Variants in IL12B observed in about 807,000 individuals in gnomAD.
The protein encoded by IL12B is interleukin 12B, also known as interleukin-12 subunit beta.
A neutral mutation model predicts 39.2 loss-of-function variants in IL12B; 27 were observed. The ratio of observed to expected loss-of-function variants is 0.69; its 90% confidence interval spans 0.51 to 0.95. The LOEUF (loss-of-function observed/expected upper bound fraction) is 0.95, where lower values mean the gene tolerates loss of function less well. Ranked by LOEUF, IL12B falls within the 40% of genes least tolerant of loss-of-function variation. The pLI, the probability that IL12B is intolerant of heterozygous loss-of-function variation, is 0.00. For synonymous variants in IL12B, 142 were observed against 152.1 expected, an observed-to-expected ratio of 0.93 and a Z score of 0.49; for missense variants, 351 against 397.6, an observed-to-expected ratio of 0.88 and a Z score of 1.00.
intron 6 of IL12B, 27 bp from the exon 7 acceptor site, chr5:159,316,843 G>A (rs775607044): frequency 1.9e-6 from 3 of 1,613,506 alleles, no homozygotes; most frequent in Non-Finnish European, 1.7e-6. Flanking sequence ...AAGCTGTGAA[G>A]ACCCCTTGGC....
At chr5:159,318,119 T>C (rs1405092330) in intron 6 of IL12B, 1 of 157,684 alleles carries the variant, frequency 6.3e-6, no homozygotes, top group Non-Finnish European at 1.4e-5. Context: ...TACACAAAAT[T>C]CCTGCATCAG....
chr5:159,318,731 C>T lies in IL12B; in HGVS notation c.855+5G>A. 6.2e-7 allele frequency: 1 copy of T among 1,614,140 alleles called. No homozygotes were observed. Among genetic ancestry groups the T allele is most frequent in the African/African-American group, 1.3e-5 (1 of 75,038 alleles). Reference sequence around the variant, plus strand: ...GGAATATACTGCACCTGAATCACTTCTTACCTTTTCTCTCTTGCTCTTGCC... The same window carrying T: ...GGAATATACTGCACCTGAATCACTTTTTACCTTTTCTCTCTTGCTCTTGCC... On this transcript the variant is annotated splice_donor_5th_base_variant and intron_variant, in intron 6 of 7. Coordinates refer to ENST00000231228, the MANE Select transcript of IL12B (RefSeq NM_002187.3).
At position 159,315,637 on chromosome 5, in the gene IL12B, G is replaced by A. The variant is rs1753977268; in HGVS notation, c.*464C>T. 1 of 152,700 alleles carries A rather than the reference G, an allele frequency of 6.5e-6. No homozygotes were observed. Among genetic ancestry groups the A allele is most frequent in the African/African-American group, 2.4e-5 (1 of 41,414 alleles). The allele number at this position is 152,700 out of a possible 1,614,324, so 9.5% of individuals were successfully genotyped here. ...CCATCACAAGTGTATGATGGCACTG[G>A]TATCAGAACACTGCATTCTTCCTGA... is the stretch of plus-strand genomic sequence containing the variant. On this transcript the variant is annotated 3_prime_UTR_variant, in exon 8 of 8. Transcript: ENST00000231228.
intron 5 of IL12B, among the ~76,000 whole-genome samples, chr5:159,319,692 C>T (rs1754052625): frequency 6.6e-6 from 1 of 152,220 alleles, no homozygotes; most frequent in Non-Finnish European, 1.5e-5. Flanking sequence ...GAGAGGCCTT[C>T]CTTGGCCACC....
chr5:159,323,814 G>A (rs187901187), intron 2 of IL12B, among the ~76,000 whole-genome samples: 2 of 151,564 alleles, frequency 1.3e-5, no homozygotes, highest in African/African-American at 2.4e-5. Flanking sequence ...TTTGGAACAA[G>A]GTATTTCATT....
chr5:159,320,078 G>T (rs972311640), intron 5 of IL12B, among the ~76,000 whole-genome samples: 1 of 152,272 alleles, frequency 6.6e-6, no homozygotes, highest in East Asian at 1.9e-4. Context: ...GGATTTGAAC[G>T]GCTAGCTGTA....
intron 5 of IL12B, among the ~76,000 whole-genome samples, chr5:159,319,888 TAAGA>T (rs1163974666): frequency 6.6e-6 from 1 of 152,248 alleles, no homozygotes; most frequent in Non-Finnish European, 1.5e-5. Flanking sequence ...GTTTATATTC[TAAGA>T]AAGAAGTCCC....
At chr5:159,321,149 C>T (rs900143845) in intron 4 of IL12B, among the ~76,000 whole-genome samples, 2 of 151,786 alleles carry the variant, frequency 1.3e-5, no homozygotes, top group Non-Finnish European at 2.9e-5. Context: ...CAGGTGTGTG[C>T]CACCACACCC....
chr5:159,326,609 T>C, intron 2 of IL12B, 86 bp downstream of exon 2: 1 of 926,838 alleles, frequency 1.1e-6, no homozygotes. Flanking sequence ...TGGTTGCCCA[T>C]TTCAGTTTGA....
rs1308106588 is a variant in IL12B at position 159,322,951 on chromosome 5, C to G, written c.364+103G>C. ...ATCAATAAGAGACTTGATGTTAATT[C>G]ATTACACTCACCATGACTTGGCTTT... On this transcript the variant is annotated intron_variant, in intron 3 of 7. Coordinates refer to ENST00000231228, the MANE Select transcript of IL12B (RefSeq NM_002187.3). 5.3e-6 allele frequency: 6 copies of G among 1,125,950 alleles called. No homozygotes were observed. The East Asian group carries it at 7.1e-5, about 13-fold the overall frequency. 69.7% of individuals were successfully genotyped at this position (1,125,950 alleles called of 1,614,324 possible).
rs2113028806 is a variant in IL12B, at chr5:159,322,384, T to C, written c.482+10A>G. ...GAAAAATGCTGAGAAACCAGAGCAGTTTCACTCACCCTCTGCTGCTTTTGA... is the reference window on the plus strand; with the variant it reads ...GAAAAATGCTGAGAAACCAGAGCAGCTTCACTCACCCTCTGCTGCTTTTGA... On this transcript the variant is annotated intron_variant, in intron 4 of 7. Coordinates refer to ENST00000231228, the MANE Select transcript of IL12B (RefSeq NM_002187.3). The C allele has an allele frequency of 1.3e-6, 2 of 1,525,904 alleles. No individual in the cohort carries two copies. The highest frequency in any genetic ancestry group is 2.2e-5 in the East Asian group (1 of 44,460). 94.5% of individuals were successfully genotyped at this position (1,525,904 alleles called of 1,614,324 possible). A position where few individuals can be genotyped will look rare whatever the true frequency, so the allele number is the denominator to read the frequency against.
In IL12B at chr5:159,316,790, G is replaced by A. The variant is rs754181801; in HGVS notation, c.882C>T (p.Thr294=). 26 of 1,614,086 alleles carry A rather than the reference G, an allele frequency of 1.6e-5. 1 individual carries two copies. The South Asian group carries it at 2.5e-4, about 16-fold the overall frequency. Residue 294 remains threonine, a synonymous_variant, in exon 7 of 8, where the codon ACC becomes ACT. Coordinates refer to ENST00000231228, the MANE Select transcript of IL12B (RefSeq NM_002187.3). The part of the protein sequence containing the change: ...EKKDRVFTDK[T]SATVICRKNA... ...TTTTGCGGCAGATGACCGTGGCTGA[G>A]GTCTTGTCCGTGAAGACTCTATCTT...
intron 5 of IL12B, 91 bp downstream of exon 5, chr5:159,320,215 C>G (rs770103688): frequency 2.7e-6 from 3 of 1,102,204 alleles, no homozygotes; most frequent in Non-Finnish European, 4.1e-6. Flanking sequence ...TGATGCTTGT[C>G]AACCACCTAC....
At chr5:159,330,400 G>C (rs1754257240) in intron 1 of IL12B, 32 bp downstream of exon 1, 1 of 152,278 alleles carries the variant, frequency 6.6e-6, no homozygotes, top group African/African-American at 2.4e-5. Flanking sequence ...CCACAGGGAG[G>C]GGAGGGAGGT....
intron 5 of IL12B, among the ~76,000 whole-genome samples, chr5:159,319,332 T>C (rs1222564400): frequency 2.0e-5 from 3 of 152,246 alleles, no homozygotes; most frequent in South Asian, 2.1e-4. Flanking sequence ...CCCTTTCTTT[T>C]GTCTTTTCAT....
At chr5:159,316,929 G>T (rs1049510351) in intron 6 of IL12B, 113 bp from the exon 7 acceptor site, 21 of 1,225,856 alleles carry the variant, frequency 1.7e-5, no homozygotes, top group Admixed American at 3.4e-5. Flanking sequence ...TGGTCTTAGG[G>T]CACTGTGCTT....
intron 5 of IL12B, among the ~76,000 whole-genome samples, chr5:159,319,790 G>T (rs1042983144): frequency 6.6e-6 from 1 of 152,160 alleles, no homozygotes; most frequent in African/African-American, 2.4e-5. Context: ...TTATCATGCT[G>T]CCTGGTCAAT....
intron 4 of IL12B, among the ~76,000 whole-genome samples, chr5:159,321,428 A>G (rs1488164897): frequency 6.6e-6 from 1 of 151,482 alleles, no homozygotes; most frequent in African/African-American, 2.4e-5. Flanking sequence ...TGTTATATAC[A>G]TCTCTACATT....
At chr5:159,319,045 A>G (rs1324260468) in intron 5 of IL12B, 152 bp from the exon 6 acceptor site, 2 of 722,346 alleles carry the variant, frequency 2.8e-6, no homozygotes, top group Non-Finnish European at 4.8e-6. Context: ...AATGTGAGGC[A>G]CCTCTGCCGC....
Sources: gnomAD v4.1 joint callset for allele counts (sites outside exome capture counted in the v4.1 genomes callset) on GRCh38, gnomAD v4.1.1 for gene constraint, MANE v1.5 for transcripts, NCBI Gene and HGNC (gene_info 2026-07-23, HGNC 2026-07-21) for gene names.